Variants in NEMP1 observed in about 807,000 individuals in gnomAD.
The protein encoded by NEMP1 is transmembrane protein 194.
Under a neutral mutation model 53.7 loss-of-function variants are expected in NEMP1, and 29 were observed. That is an observed-to-expected ratio of 0.54 (90% confidence interval 0.40 to 0.74). The LOEUF is 0.74. Among genes scored for constraint, NEMP1 ranks in the 30% least tolerant of loss-of-function variants. NEMP1 has a pLI of 0.00. For missense variants in NEMP1, 477 were observed against 528.6 expected (o/e 0.90, Z 0.96); for synonymous variants, 193 against 192.9 (o/e 1.00, Z 0.00).
At position 57,058,222 on chromosome 12, in the gene NEMP1, A is replaced by G. The variant is rs1026106524; in HGVS notation, c.*1657T>C. On this transcript the variant is annotated 3_prime_UTR_variant, in exon 9 of 9. Coordinates refer to ENST00000300128, the MANE Select transcript of NEMP1 (RefSeq NM_001130963.2). ...TGGAAAACACTGGTGGAAATAATCA[A>G]CTGCCCACCTGGAGGGCAGTCTCAG... 6.6e-6 allele frequency: 1 copy of G among 152,224 alleles called. No individual in the cohort carries two copies. Among genetic ancestry groups the G allele is most frequent in the African/African-American group, 2.4e-5 (1 of 41,446 alleles). The allele number at this position is 152,224 out of a possible 1,614,324, so 9.4% of individuals were successfully genotyped here. A position where few individuals can be genotyped will look rare whatever the true frequency, so the allele number is the denominator to read the frequency against.
intron 4 of NEMP1, among the ~76,000 whole-genome samples, chr12:57,068,352 G>A (rs186517651): frequency 6.7e-6 from 1 of 149,268 alleles, no homozygotes; most frequent in Admixed American, 6.7e-5. Flanking sequence ...ATAAACACTT[G>A]ATTTTTTTTT....
At position 57,058,967 on chromosome 12, in the gene NEMP1, C is replaced by A. The variant is rs751747527; in HGVS notation, c.*912G>T. ...CCAAATCCCCTAAACAAGATGACTT[C>A]TCCTAGCTAGCAGGAATAATGCTAC... On this transcript the variant is annotated 3_prime_UTR_variant, in exon 9 of 9. Coordinates refer to ENST00000300128, the MANE Select transcript of NEMP1 (RefSeq NM_001130963.2). 1.3e-5 allele frequency: 2 copies of A among 152,200 alleles called. No individual in the cohort carries two copies. Among genetic ancestry groups the A allele is most frequent in the African/African-American group, 2.4e-5 (1 of 41,454 alleles). 9.4% of individuals were successfully genotyped at this position (152,200 alleles called of 1,614,324 possible). A position where few individuals can be genotyped will look rare whatever the true frequency, so the allele number is the denominator to read the frequency against.
intron 1 of NEMP1, among the ~76,000 whole-genome samples, chr12:57,078,134 G>A (rs1424362896): frequency 6.6e-6 from 1 of 152,134 alleles, no homozygotes; most frequent in Non-Finnish European, 1.5e-5. Context: ...AGATAGTAGA[G>A]ATCACTGCAT....
Position 57,076,700 on chromosome 12 carries a change from G to A in NEMP1, c.127+1919C>T, listed in dbSNP as rs182940552. 7.9e-5 allele frequency among the ~76,000 whole-genome samples: 12 copies of A among 152,220 alleles called. No homozygotes were observed. In the South Asian group the frequency reaches 8.3e-4, roughly 11 times the overall value. ...CATGCGCCTATAATCCCAGCTACTCGGGAGGCAGAGGGAGAAGTGCTTGAA... is the reference window on the plus strand; with the variant it reads ...CATGCGCCTATAATCCCAGCTACTCAGGAGGCAGAGGGAGAAGTGCTTGAA... On this transcript the variant is annotated intron_variant, in intron 1 of 8. Coordinates refer to ENST00000300128, the MANE Select transcript of NEMP1 (RefSeq NM_001130963.2).
At chr12:57,065,090 T>C (rs993673219) in intron 4 of NEMP1, among the ~76,000 whole-genome samples, 1 of 152,216 alleles carries the variant, frequency 6.6e-6, no homozygotes, top group African/African-American at 2.4e-5. Flanking sequence ...CAGTGAGTCA[T>C]CATTTTTTTT....
intron 8 of NEMP1, 29 bp from the exon 9 acceptor site, chr12:57,060,088 AAAT>A (rs753534066): frequency 1.2e-6 from 2 of 1,604,746 alleles, no homozygotes; most frequent in South Asian, 2.2e-5. Context: ...TACTCGTTAG[AAAT>A]ATCCTTCTGT....
At chr12:57,079,427 G>C (rs997698139), upstream of NEMP1, among the ~76,000 whole-genome samples, 1 of 152,172 alleles carries the variant, frequency 6.6e-6, no homozygotes, top group Non-Finnish European at 1.5e-5. Context: ...ATCATCTTGT[G>C]AGACAAATAT....
chr12:57,086,444 A>G (rs2032994422), intron 1 of NEMP1, among the ~76,000 whole-genome samples: 1 of 152,140 alleles, frequency 6.6e-6, no homozygotes, highest in Non-Finnish European at 1.5e-5. Context: ...TGAGTGAGCC[A>G]AGGGGACACA....
rs1290215971 is a variant in NEMP1, at chr12:57,057,943, T to G, written c.*1936A>C. The G allele has an allele frequency of 6.6e-6, 1 of 152,224 alleles. No individual in the cohort carries two copies. The highest frequency in any genetic ancestry group is 1.5e-5 in the Non-Finnish European group (1 of 68,038). 9.4% of individuals were successfully genotyped at this position (152,224 alleles called of 1,614,324 possible). On this transcript the variant is annotated 3_prime_UTR_variant, in exon 9 of 9. Transcript: ENST00000300128. Reference sequence around the variant, plus strand: ...TTTTTAAAATAAACTTATGCTTAAATATGCTAGGTCTCAATTTCTATAAAT... The same window carrying G: ...TTTTTAAAATAAACTTATGCTTAAAGATGCTAGGTCTCAATTTCTATAAAT...
rs2031583005 is a variant in NEMP1 at position 57,057,480 on chromosome 12, G to C, written c.*2399C>G. On this transcript the variant is annotated 3_prime_UTR_variant, in exon 9 of 9. Coordinates refer to ENST00000300128, the MANE Select transcript of NEMP1 (RefSeq NM_001130963.2). ...AGCTCCTAAAGAAGGTTGAAGTCAA[G>C]CAATCTCCGGAACACAGAGGATCTG... 1 of 152,420 alleles carries C rather than the reference G, an allele frequency of 6.6e-6. No homozygotes were observed. The highest frequency in any genetic ancestry group is 2.4e-5 in the African/African-American group (1 of 41,432). 9.4% of individuals were successfully genotyped at this position (152,420 alleles called of 1,614,324 possible).
chr12:57,065,714 G>A (rs1459898984), intron 4 of NEMP1, among the ~76,000 whole-genome samples: 2 of 151,548 alleles, frequency 1.3e-5, no homozygotes, highest in African/African-American at 4.8e-5. Flanking sequence ...TGCTCAGGCT[G>A]GTCTCGAACT....
chr12:57,074,478 T>C (rs2032508453), intron 1 of NEMP1, among the ~76,000 whole-genome samples: 1 of 151,958 alleles, frequency 6.6e-6, no homozygotes, highest in Admixed American at 6.6e-5. Flanking sequence ...TGTGTGTGTA[T>C]TTTTGTAGTA....
At position 57,056,925 on chromosome 12, in the gene NEMP1, C is replaced by T. The variant is rs1183134269; in HGVS notation, c.*2954G>A. ...GCTATCAGCAAAATTCCCTTTGTAA[C>T]AGACGTAAAAATCATGAATTTGAGG... On this transcript the variant is annotated 3_prime_UTR_variant, in exon 9 of 9. Transcript: ENST00000300128. 6.6e-6 allele frequency: 1 copy of T among 152,114 alleles called. No homozygotes were observed. The highest frequency in any genetic ancestry group is 1.9e-4 in the East Asian group (1 of 5,196). 9.4% of individuals were successfully genotyped at this position (152,114 alleles called of 1,614,324 possible). A position where few individuals can be genotyped will look rare whatever the true frequency, so the allele number is the denominator to read the frequency against.
chr12:57,066,152 G>T (rs1018144071), intron 4 of NEMP1, among the ~76,000 whole-genome samples: 9 of 152,132 alleles, frequency 5.9e-5, no homozygotes, highest in African/African-American at 2.2e-4. Flanking sequence ...CTACTAGGGA[G>T]GCTGAGGCAG....
chr12:57,060,942 C>T lies in NEMP1; in HGVS notation c.984G>A (p.Lys328=). The T allele has an allele frequency of 6.2e-7, 1 of 1,612,128 alleles. No individual in the cohort carries two copies. The highest frequency in any genetic ancestry group is 8.5e-7 in the Non-Finnish European group (1 of 1,179,470). Reference sequence around the variant, plus strand: ...CAGGCTTTTCTGCTCCCTTACACACCTTTCTGTGCTCACCAAAATAACATT... The same window carrying T: ...CAGGCTTTTCTGCTCCCTTACACACTTTTCTGTGCTCACCAAAATAACATT... ...PIQWLYITCR[K]VCKGAEKPVP... is the part of the protein sequence containing the mutation. Residue 328 remains lysine, a synonymous_variant, in exon 8 of 9, where the codon AAG becomes AAA. Transcript: ENST00000300128.
intron 3 of NEMP1, 138 bp from the exon 4 acceptor site, chr12:57,069,444 T>C: frequency 1.7e-6 from 1 of 591,774 alleles, no homozygotes; most frequent in South Asian, 2.2e-5. Flanking sequence ...CATTTAAATT[T>C]CACCTAAAGC....
chr12:57,065,494 CA>C (rs1479095180), intron 4 of NEMP1, among the ~76,000 whole-genome samples: 2 of 151,440 alleles, frequency 1.3e-5, no homozygotes, highest in East Asian at 3.9e-4. Flanking sequence ...TAACTTGCTA[CA>C]GCTTCTATAT....
In NEMP1 at chr12:57,057,285, A is replaced by T. The variant is rs1264972499; in HGVS notation, c.*2594T>A. ...CTGACGTGGCAGCAAACACGGCTCCAATGTCCAGCTTACCTCATAGTTATC... is the reference window on the plus strand; with the variant it reads ...CTGACGTGGCAGCAAACACGGCTCCTATGTCCAGCTTACCTCATAGTTATC... On this transcript the variant is annotated 3_prime_UTR_variant, in exon 9 of 9. Coordinates refer to ENST00000300128, the MANE Select transcript of NEMP1 (RefSeq NM_001130963.2). The T allele has an allele frequency of 1.3e-5, 2 of 152,254 alleles. No individual in the cohort carries two copies. Among genetic ancestry groups the T allele is most frequent in the Non-Finnish European group, 2.9e-5 (2 of 68,048 alleles). 9.4% of individuals were successfully genotyped at this position (152,254 alleles called of 1,614,324 possible). A position where few individuals can be genotyped will look rare whatever the true frequency, so the allele number is the denominator to read the frequency against.
chr12:57,085,658 G>C (rs901477344), intron 1 of NEMP1, among the ~76,000 whole-genome samples: 1 of 152,156 alleles, frequency 6.6e-6, no homozygotes, highest in African/African-American at 2.4e-5. Flanking sequence ...AGAAAAAAGG[G>C]ATCATTACTT....
Sources: gnomAD v4.1 joint callset for allele counts (sites outside exome capture counted in the v4.1 genomes callset) on GRCh38, gnomAD v4.1.1 for gene constraint, MANE v1.5 for transcripts, NCBI Gene and HGNC (gene_info 2026-07-23, HGNC 2026-07-21) for gene names.